Variants in NOC3L observed in about 807,000 individuals in gnomAD.
NOC3L encodes nucleolar complex protein 3 homolog.
A neutral mutation model predicts 102.5 loss-of-function variants in NOC3L; 85 were observed. The observed-to-expected ratio is 0.83, with a 90% confidence interval of 0.70 to 0.99. NOC3L has a LOEUF of 0.99. Among genes scored for constraint, NOC3L ranks in the 50% least tolerant of loss-of-function variants. NOC3L has a pLI of 0.00. For missense variants in NOC3L, 878 were observed against 914.9 expected (o/e 0.96, Z 0.52); for synonymous variants, 303 against 309.4 (o/e 0.98, Z 0.22).
In NOC3L at chr10:94,352,423, C is replaced by G. The variant is rs535855312; in HGVS notation, c.859-20G>C. 2.0e-6 allele frequency: 3 copies of G among 1,533,964 alleles called. No homozygotes were observed. The African/African-American group carries it at 4.1e-5, about 21-fold the overall frequency. ...TCGGGTCTGAAAAGACCAAAAAGGT[C>G]AATCATTTTTTAAAATCAGAACATT... is the stretch of plus-strand genomic sequence containing the variant. On this transcript the variant is annotated intron_variant, in intron 7 of 20. Coordinates refer to ENST00000371361, the MANE Select transcript of NOC3L (RefSeq NM_022451.11).
At chr10:94,347,680 A>G (rs1180556108) in intron 10 of NOC3L, among the ~76,000 whole-genome samples, 1 of 152,192 alleles carries the variant, frequency 6.6e-6, no homozygotes, top group Non-Finnish European at 1.5e-5. Flanking sequence ...CCAAAACTGT[A>G]TTACTAAAGA....
At chr10:94,337,328 T>C (rs2054231475) in intron 19 of NOC3L, among the ~76,000 whole-genome samples, 1 of 148,942 alleles carries the variant, frequency 6.7e-6, no homozygotes, top group African/African-American at 2.5e-5. Context: ...ATTTTTTTTT[T>C]CTCCTCATCC....
At chr10:94,324,332 C>T in the NOC3L span, 1 of 1,591,344 alleles carries the variant, frequency 6.3e-7, no homozygotes, top group Non-Finnish European at 8.6e-7. Flanking sequence ...TTCAGTTGAT[C>T]ATAACTTACC....
intron 2 of NOC3L, among the ~76,000 whole-genome samples, chr10:94,360,730 T>C (rs2054543036): frequency 6.6e-6 from 1 of 152,096 alleles, no homozygotes; most frequent in African/African-American, 2.4e-5. Context: ...CAAAGATAAA[T>C]GCTTGAGGTG....
chr10:94,316,322 T>C, the NOC3L span, among the ~76,000 whole-genome samples: 2 of 152,212 alleles, frequency 1.3e-5, no homozygotes, highest in Non-Finnish European at 2.9e-5. Context: ...GAAAAAATAG[T>C]TATGCTGTCT....
the NOC3L span, among the ~76,000 whole-genome samples, chr10:94,317,277 G>GT: frequency 6.6e-6 from 1 of 151,992 alleles, no homozygotes; most frequent in Non-Finnish European, 1.5e-5. Flanking sequence ...AAGGAAATAT[G>GT]TTTTCTCACA....
At chr10:94,324,666 C>A in the NOC3L span, 1 of 1,114,966 alleles carries the variant, frequency 9.0e-7, no homozygotes, top group Non-Finnish European at 1.4e-6. Flanking sequence ...GGAGAAAGTT[C>A]CTGAGTCAAG....
chr10:94,352,151 G>GT (rs894682364), intron 8 of NOC3L, among the ~76,000 whole-genome samples, 159 bp downstream of exon 8: 1 of 152,156 alleles, frequency 6.6e-6, no homozygotes, highest in African/African-American at 2.4e-5. Context: ...CACATAGGTA[G>GT]TAAGTGGTGG....
Position 94,353,056 on chromosome 10 carries a change from A to G in NOC3L, c.698T>C (p.Ile233Thr), listed in dbSNP as rs1487901535. ...AGAACGTAATTCTTTCAATTTTTTA[A>G]TCTGTTAAAGAAATAGCTTATAAAG... is the stretch of plus-strand genomic sequence containing the variant. ...SAILSDPENNIKKLKELRSML... is the reference protein window; with the variant it reads ...SAILSDPENNTKKLKELRSML... The change falls in exon 7 of 21, where the codon ATT becomes ACT. Residue 233 changes from isoleucine (I) to threonine (T), a missense_variant and splice_region_variant. Transcript: ENST00000371361. 6.2e-7 allele frequency: 1 copy of G among 1,601,802 alleles called. No individual in the cohort carries two copies.
chr10:94,352,254 C>A, intron 8 of NOC3L, 56 bp downstream of exon 8: 1 of 1,190,440 alleles, frequency 8.4e-7, no homozygotes, highest in South Asian at 1.3e-5. Flanking sequence ...GTACAGAATT[C>A]ACCTTCATGA....
intron 19 of NOC3L, among the ~76,000 whole-genome samples, chr10:94,335,869 T>C (rs1410564305): frequency 6.6e-6 from 1 of 152,128 alleles, no homozygotes; most frequent in Non-Finnish European, 1.5e-5. Flanking sequence ...TTCTGGGTAA[T>C]GAGTACATTG....
At chr10:94,347,480 G>A (rs1035617243) in intron 10 of NOC3L, among the ~76,000 whole-genome samples, 4 of 152,168 alleles carry the variant, frequency 2.6e-5, no homozygotes, top group African/African-American at 9.7e-5. Flanking sequence ...CTATGGCTGA[G>A]TTTCATGTTC....
In NOC3L at chr10:94,346,342, G is replaced by C. The variant is rs574593499; in HGVS notation, c.1389+83C>G. 4 of 1,050,572 alleles carry C rather than the reference G, an allele frequency of 3.8e-6. No homozygotes were observed. In the African/African-American group the frequency reaches 6.7e-5, roughly 18 times the overall value. The allele number at this position is 1,050,572 out of a possible 1,614,324, so 65.1% of individuals were successfully genotyped here. On this transcript the variant is annotated intron_variant, in intron 11 of 20. Coordinates refer to ENST00000371361, the MANE Select transcript of NOC3L (RefSeq NM_022451.11). ...ACTTTTATGTTTATGATTTAACTAT[G>C]ATTTTTACATGTGCCTATAAGTTTA...
intron 13 of NOC3L, among the ~76,000 whole-genome samples, chr10:94,344,197 AAAG>A (rs1276070304): frequency 5.9e-5 from 9 of 152,230 alleles, no homozygotes; most frequent in African/African-American, 2.2e-4. Flanking sequence ...TAGTAGGCAG[AAAG>A]AAGGAGTTGG....
rs552464960 is a variant in NOC3L, at chr10:94,353,006, C to T, written c.748G>A (p.Val250Met). Reference sequence around the variant, plus strand: ...ACCAGCTTTCGAACAGTAACAGCCACATCAGGATCTTGTTCCATCAACATA... The same window carrying T: ...ACCAGCTTTCGAACAGTAACAGCCATATCAGGATCTTGTTCCATCAACATA... ...RSMLMEQDPD[V>M]AVTVRKLVIV... Residue 250 changes from valine to methionine, a missense_variant, in exon 7 of 21, where the codon GTG becomes ATG. Coordinates refer to ENST00000371361, the MANE Select transcript of NOC3L (RefSeq NM_022451.11). 8.1e-6 allele frequency: 13 copies of T among 1,613,734 alleles called. No homozygotes were observed. In the South Asian group the frequency reaches 1.2e-4, roughly 15 times the overall value.
chr10:94,324,475 C>T, the NOC3L span: 5 of 1,613,940 alleles, frequency 3.1e-6, no homozygotes, highest in Admixed American at 1.7e-5. Context: ...GTCCTCTCAG[C>T]GGGTCCTTCT....
chr10:94,324,892 G>C, the NOC3L span: 2 of 1,613,840 alleles, frequency 1.2e-6, no homozygotes, highest in South Asian at 1.1e-5. Flanking sequence ...GTTCCCACAG[G>C]CATCTCGAGA....
Position 94,345,690 on chromosome 10 carries a change from AATT to A in NOC3L, c.1389+732_1389+734del, listed in dbSNP as rs1248364245. The stretch of plus-strand genomic sequence containing the variant: ...AAAATATGTATCTTCTTTTGTTCAC[AATT>A]ATTAAGTCTATTTTGATACTTCCAT... On this transcript the variant is annotated intron_variant, in intron 11 of 20. Transcript: ENST00000371361. Among the ~76,000 whole-genome samples the A allele has an allele frequency of 2.6e-5, 4 of 152,184 alleles. No homozygotes were observed. In the South Asian group the frequency reaches 6.2e-4, roughly 24 times the overall value.
rs1485868279 is a variant in NOC3L at position 94,352,308 on chromosome 10, A to C, written c.952+2T>G. The C allele has an allele frequency of 6.3e-7, 1 of 1,579,010 alleles. No individual in the cohort carries two copies. Among genetic ancestry groups the C allele is most frequent in the Non-Finnish European group, 8.7e-7 (1 of 1,149,684 alleles). On this transcript the variant is annotated splice_donor_variant, in intron 8 of 20. Coordinates refer to ENST00000371361, the MANE Select transcript of NOC3L (RefSeq NM_022451.11). LOFTEE classifies it high-confidence loss of function. The stretch of plus-strand genomic sequence containing the variant: ...CAAACTTTGAAGATATGTTTAATAT[A>C]CCTTTAACCATTTGTTCCAGATTTT...
Sources: gnomAD v4.1 joint callset for allele counts (sites outside exome capture counted in the v4.1 genomes callset) on GRCh38, gnomAD v4.1.1 for gene constraint, MANE v1.5 for transcripts, NCBI Gene and HGNC (gene_info 2026-07-23, HGNC 2026-07-21) for gene names.